Variants in GFM2 observed in about 807,000 individuals in gnomAD.
GFM2 encodes the protein GTP dependent ribosome recycling factor mitochondrial 2, also known as ribosome-releasing factor 2, mitochondrial.
Under a neutral mutation model 95.4 loss-of-function variants are expected in GFM2, and 72 were observed. That is an observed-to-expected ratio of 0.76 (90% CI 0.62 to 0.92). The LOEUF (loss-of-function observed/expected upper bound fraction) is 0.92, where lower values mean the gene tolerates loss of function less well. Ranked by LOEUF, GFM2 falls within the 40% of genes least tolerant of loss-of-function variation. The pLI, the probability that GFM2 is intolerant of heterozygous loss-of-function variation, is 0.00. For missense variants in GFM2, 825 were observed against 924.1 expected (o/e 0.89, Z 1.39); for synonymous variants, 276 against 317.5 (o/e 0.87, Z 1.39).
chr5:74,739,090 G>C (rs566396584), intron 12 of GFM2, among the ~76,000 whole-genome samples: 15 of 152,206 alleles, frequency 9.9e-5, no homozygotes, highest in Admixed American at 8.5e-4. Flanking sequence ...TTAACAGAAT[G>C]ATGTTCTTAA....
At chr5:74,750,073 C>A (rs2112317541) in intron 7 of GFM2, among the ~76,000 whole-genome samples, 1 of 152,312 alleles carries the variant, frequency 6.6e-6, no homozygotes, top group African/African-American at 2.4e-5. Context: ...GCTAAAAGCT[C>A]ATTCATTGTT....
chr5:74,738,207 C>A lies in GFM2; in HGVS notation c.1320+111G>T, dbSNP rs73114780. ...CAAATATGCCATAATATTCTTTATT[C>A]TACTATTGATGGACATTTGGATTGT... On this transcript the variant is annotated intron_variant, in intron 14 of 20. Coordinates refer to ENST00000296805, the MANE Select transcript of GFM2 (RefSeq NM_032380.5). 7.0e-3 allele frequency: 5,289 copies of A among 758,728 alleles called. 208 individuals are homozygous for A. The African/African-American group carries it at 0.083, about 12-fold the overall frequency. The allele number at this position is 758,728 out of a possible 1,614,324, so 47.0% of individuals were successfully genotyped here. A position where few individuals can be genotyped will look rare whatever the true frequency, so the allele number is the denominator to read the frequency against.
chr5:74,764,406 C>A (rs1387733997), intron 1 of GFM2, among the ~76,000 whole-genome samples: 1 of 152,260 alleles, frequency 6.6e-6, no homozygotes. Flanking sequence ...GCTTGTCCAA[C>A]CCGTGGCCTG....
At chr5:74,763,903 C>G (rs1054394709) in intron 1 of GFM2, 137 bp from the exon 2 acceptor site, 4 of 502,030 alleles carry the variant, frequency 8.0e-6, no homozygotes, top group Non-Finnish European at 1.4e-5. Flanking sequence ...TTTTTAGCTA[C>G]CAAAAATTCA....
chr5:74,723,489 T>A (rs1179722849), intron 19 of GFM2, among the ~76,000 whole-genome samples: 1 of 152,196 alleles, frequency 6.6e-6, no homozygotes, highest in Non-Finnish European at 1.5e-5. Context: ...ATTTTTTTTG[T>A]TTTTCCCATT....
At position 74,731,118 on chromosome 5, in the gene GFM2, C is replaced by T. The variant is rs141024512; in HGVS notation, c.1588-720G>A. ...GTGAGCCACCGCACCCGGCCAAAGC[C>T]CCTTTCTTAACGAAAATGTAGGCAA... is the stretch of plus-strand genomic sequence containing the variant. On this transcript the variant is annotated intron_variant, in intron 16 of 20. Coordinates refer to ENST00000296805, the MANE Select transcript of GFM2 (RefSeq NM_032380.5). 9.5e-4 allele frequency among the ~76,000 whole-genome samples: 144 copies of T among 152,262 alleles called. 1 individual carries two copies. Among genetic ancestry groups the T allele is most frequent in the Middle Eastern group, 3.4e-3 (1 of 294 alleles).
intron 14 of GFM2, among the ~76,000 whole-genome samples, chr5:74,737,812 C>T (rs1271372760): frequency 6.6e-6 from 1 of 152,114 alleles, no homozygotes; most frequent in Non-Finnish European, 1.5e-5. Context: ...GTATTTTCAT[C>T]GATTCATCCT....
intron 6 of GFM2, 140 bp downstream of exon 6, chr5:74,751,228 T>A: frequency 2.7e-6 from 2 of 747,978 alleles, no homozygotes; most frequent in South Asian, 3.7e-5. Flanking sequence ...ACTACTAAAC[T>A]GTACACTTAA....
chr5:74,744,586 TA>T (rs1245333224), intron 10 of GFM2, among the ~76,000 whole-genome samples: 2 of 152,196 alleles, frequency 1.3e-5, no homozygotes, highest in Non-Finnish European at 2.9e-5. Context: ...TTGAAGATTA[TA>T]ATTTTGAAGG....
intron 5 of GFM2, among the ~76,000 whole-genome samples, chr5:74,756,011 A>G (rs1159448837): frequency 6.6e-6 from 1 of 152,218 alleles, no homozygotes; most frequent in Admixed American, 6.5e-5. Flanking sequence ...ATAATCCACC[A>G]TGATCAAGTA....
chr5:74,744,686 A>C (rs139191000), intron 10 of GFM2, among the ~76,000 whole-genome samples: 329 of 152,294 alleles, frequency 2.2e-3, no homozygotes, highest in African/African-American at 7.7e-3. Context: ...AAGTAAAGTA[A>C]AAGACATGCA....
At chr5:74,766,572 C>G (rs1481168377) in intron 1 of GFM2, among the ~76,000 whole-genome samples, 2 of 152,160 alleles carry the variant, frequency 1.3e-5, no homozygotes, top group East Asian at 3.9e-4. Context: ...TGATTCGGTG[C>G]ACCAAAATGC....
intron 15 of GFM2, among the ~76,000 whole-genome samples, chr5:74,735,145 C>A (rs541332374): frequency 6.6e-6 from 1 of 152,338 alleles, no homozygotes; most frequent in South Asian, 2.1e-4. Flanking sequence ...GCATCATCAC[C>A]TGATCCTTTT....
intron 1 of GFM2, 150 bp from the exon 2 acceptor site, chr5:74,763,916 G>C: frequency 2.0e-6 from 1 of 509,358 alleles, no homozygotes; most frequent in Non-Finnish European, 3.5e-6. Context: ...AAAATTCAAT[G>C]CATCATTCAG....
At chr5:74,732,315 T>A (rs1366340322) in intron 16 of GFM2, among the ~76,000 whole-genome samples, 2 of 152,166 alleles carry the variant, frequency 1.3e-5, no homozygotes, top group East Asian at 3.9e-4. Context: ...TCAGTATCAA[T>A]TAAACTAAAT....
chr5:74,758,250 T>C (rs757036148), intron 5 of GFM2, among the ~76,000 whole-genome samples: 1 of 152,158 alleles, frequency 6.6e-6, no homozygotes, highest in Non-Finnish European at 1.5e-5. Flanking sequence ...ATATAACTTA[T>C]GGAAAAAACA....
At chr5:74,749,394 T>A (rs1044390564) in intron 7 of GFM2, among the ~76,000 whole-genome samples, 1 of 152,202 alleles carries the variant, frequency 6.6e-6, no homozygotes, top group Admixed American at 6.5e-5. Flanking sequence ...ATCACTCTTT[T>A]TAATTATAAG....
At chr5:74,736,293 GCTA>G in intron 15 of GFM2, 2 of 789,036 alleles carry the variant, frequency 2.5e-6, no homozygotes, top group Non-Finnish European at 3.1e-6. Context: ...TTGGGTGTGT[GCTA>G]GAAGTAATGA....
In GFM2 at chr5:74,745,806, T is replaced by C. The variant is rs759959410; in HGVS notation, c.721A>G (p.Lys241Glu). The change falls in exon 10 of 21, where the codon AAA becomes GAA. Residue 241 changes from lysine to glutamate, a missense_variant. Physicochemically the swap from Lys to Glu is moderately conservative, Grantham distance 56. Coordinates refer to ENST00000296805, the MANE Select transcript of GFM2 (RefSeq NM_032380.5). ...TTGCAATTCCAAAGAAGTTTTTCTT[T>C]CATTACTACATCCACCACTCCTTTG... ...TFKGVVDVVM[K>E]EKLLWNCNSN... 1.9e-6 allele frequency: 3 copies of C among 1,613,110 alleles called. No individual in the cohort carries two copies. In the Admixed American group the frequency reaches 5.0e-5, roughly 27 times the overall value.
Sources: allele counts gnomAD v4.1 joint callset (sites outside exome capture counted in the v4.1 genomes callset), GRCh38; gene constraint gnomAD v4.1.1; transcripts MANE v1.5; gene names NCBI Gene and HGNC (gene_info 2026-07-23, HGNC 2026-07-21).